PRKG1: variants seen among roughly 807,000 people sequenced by gnomAD.
PRKG1 encodes the protein cGMP-dependent protein kinase 1.
A neutral mutation model predicts 88.1 loss-of-function variants in PRKG1; 35 were observed. The ratio of observed to expected loss-of-function variants is 0.40; its 90% CI spans 0.30 to 0.53. The LOEUF is 0.53. Among genes scored for constraint, PRKG1 ranks in the 20% least tolerant of loss-of-function variants. The probability of loss-of-function intolerance (pLI) is 0.59; values close to 1 mark genes in which losing one functional copy is unlikely to be tolerated. For missense variants in PRKG1, 540 were observed against 839.8 expected, an observed-to-expected ratio of 0.64 and a Z score of 4.41; for synonymous variants, 303 against 292.5, an observed-to-expected ratio of 1.04 and a Z score of -0.37.
chr10:51,445,749 C>T (rs906121090), intron 2 of PRKG1, among the ~76,000 whole-genome samples: 2 of 151,730 alleles, frequency 1.3e-5, no homozygotes, highest in African/African-American at 2.4e-5. Flanking sequence ...CTTAAAATGT[C>T]TTGTGTGACT....
intron 9 of PRKG1, among the ~76,000 whole-genome samples, chr10:52,245,295 G>T (rs1331774335): frequency 6.6e-6 from 1 of 151,966 alleles, no homozygotes; most frequent in Non-Finnish European, 1.5e-5. Context: ...GGATTTCTGG[G>T]CATTTATCTG....
At chr10:51,517,355 T>C (rs1841616372) in intron 3 of PRKG1, among the ~76,000 whole-genome samples, 1 of 152,222 alleles carries the variant, frequency 6.6e-6, no homozygotes, top group Non-Finnish European at 1.5e-5. Context: ...CTCTTTCTTC[T>C]GGGTATGGGA....
chr10:52,102,979 C>T lies in PRKG1; in HGVS notation c.936-30861C>T, dbSNP rs1018187016. ...AGACCACACAGCAGGAGGTGAGCAGCAGGTGAGTGAGCATTACTGCTTGAG... is the reference window on the plus strand; with the variant it reads ...AGACCACACAGCAGGAGGTGAGCAGTAGGTGAGTGAGCATTACTGCTTGAG... On this transcript the variant is annotated intron_variant, in intron 7 of 17. Coordinates refer to ENST00000373980, the MANE Select transcript of PRKG1 (RefSeq NM_006258.4). 2.0e-5 allele frequency among the ~76,000 whole-genome samples: 3 copies of T among 152,122 alleles called. No homozygotes were observed. In the East Asian group the frequency reaches 5.8e-4, roughly 29 times the overall value.
At chr10:51,492,906 T>C (rs1455146385) in intron 3 of PRKG1, among the ~76,000 whole-genome samples, 2 of 152,194 alleles carry the variant, frequency 1.3e-5, no homozygotes, top group African/African-American at 4.8e-5. Flanking sequence ...AAAAAGATTA[T>C]TAGATCTTTT....
intron 2 of PRKG1, among the ~76,000 whole-genome samples, chr10:51,267,805 A>G (rs1408871734): frequency 3.3e-5 from 5 of 152,202 alleles, no homozygotes; most frequent in Admixed American, 2.0e-4. Context: ...ATTGGGACCT[A>G]ATTAAAATAA....
intron 4 of PRKG1, among the ~76,000 whole-genome samples, chr10:51,845,837 A>G (rs1398956937): frequency 2.0e-5 from 3 of 152,118 alleles, no homozygotes; most frequent in Non-Finnish European, 2.9e-5. Context: ...TTTATAGTTG[A>G]TGAACTATTC....
chr10:51,666,345 T>C (rs1229093873), intron 3 of PRKG1, among the ~76,000 whole-genome samples: 2 of 152,154 alleles, frequency 1.3e-5, no homozygotes, highest in African/African-American at 4.8e-5. Flanking sequence ...TGAAAGAATA[T>C]AAGCAAACTT....
At chr10:51,061,370 G>T (rs2132783620) in intron 1 of PRKG1, among the ~76,000 whole-genome samples, 1 of 152,164 alleles carries the variant, frequency 6.6e-6, no homozygotes, top group South Asian at 2.1e-4. Flanking sequence ...CTCCTACCAG[G>T]TCCCTCTCAC....
In PRKG1 at chr10:52,074,417, C is replaced by T. The variant is rs559304235; in HGVS notation, c.935+11786C>T. Among the ~76,000 whole-genome samples, 14 of 152,162 alleles carry T rather than the reference C, an allele frequency of 9.2e-5. 1 individual carries two copies. The South Asian group carries it at 2.3e-3, about 25-fold the overall frequency. On this transcript the variant is annotated intron_variant, in intron 7 of 17. Coordinates refer to ENST00000373980, the MANE Select transcript of PRKG1 (RefSeq NM_006258.4). ...CTGTCTAAAATGTAAGGTCATTTTC[C>T]GTGGTGGAAATTGAGCTACTTATAA...
intron 4 of PRKG1, among the ~76,000 whole-genome samples, chr10:51,824,332 T>G (rs994263303): frequency 2.0e-5 from 3 of 152,220 alleles, no homozygotes; most frequent in African/African-American, 7.2e-5. Context: ...GCCTTAGATA[T>G]AATGTTCAAC....
At chr10:51,497,691 T>A (rs1589018510) in intron 3 of PRKG1, among the ~76,000 whole-genome samples, 1 of 152,274 alleles carries the variant, frequency 6.6e-6, no homozygotes, top group South Asian at 2.1e-4. Context: ...GTAGGAGTCT[T>A]GTAAAGTATC....
At chr10:51,982,441 G>T (rs905508297) in intron 5 of PRKG1, among the ~76,000 whole-genome samples, 4 of 152,168 alleles carry the variant, frequency 2.6e-5, no homozygotes, top group Admixed American at 1.3e-4. Context: ...ATCTTTATGG[G>T]CTGATGTTTC....
At chr10:51,142,866 A>G (rs1286905892) in intron 1 of PRKG1, among the ~76,000 whole-genome samples, 1 of 152,150 alleles carries the variant, frequency 6.6e-6, no homozygotes, top group Non-Finnish European at 1.5e-5. Flanking sequence ...ATTGACAGAT[A>G]ACATCATATG....
intron 12 of PRKG1, among the ~76,000 whole-genome samples, chr10:52,275,788 AT>A (rs1841859188): frequency 6.6e-6 from 1 of 152,242 alleles, no homozygotes; most frequent in African/African-American, 2.4e-5. Context: ...TTTTCACAAT[AT>A]TGATTCTACC....
At chr10:51,327,578 A>G (rs1841625650) in intron 2 of PRKG1, among the ~76,000 whole-genome samples, 1 of 152,208 alleles carries the variant, frequency 6.6e-6, no homozygotes, top group African/African-American at 2.4e-5. Flanking sequence ...ATGCATTGTT[A>G]GGTAATTTTA....
At chr10:51,188,197 T>C (rs983881740) in intron 2 of PRKG1, among the ~76,000 whole-genome samples, 1 of 152,014 alleles carries the variant, frequency 6.6e-6, no homozygotes, top group African/African-American at 2.4e-5. Flanking sequence ...CTCAGTCTTG[T>C]CTTTATAAAG....
intron 4 of PRKG1, among the ~76,000 whole-genome samples, chr10:51,870,677 T>C (rs1841133924): frequency 6.6e-6 from 1 of 152,158 alleles, no homozygotes; most frequent in African/African-American, 2.4e-5. Context: ...TAATGAAGAA[T>C]CGCATAGGTC....
intron 8 of PRKG1, among the ~76,000 whole-genome samples, chr10:52,158,364 A>T (rs1838182973): frequency 6.6e-6 from 1 of 151,704 alleles, no homozygotes; most frequent in Non-Finnish European, 1.5e-5. Flanking sequence ...AACTATTTAG[A>T]AAAGCATCTG....
At chr10:51,266,465 T>C (rs1184403378) in intron 2 of PRKG1, among the ~76,000 whole-genome samples, 1 of 152,226 alleles carries the variant, frequency 6.6e-6, no homozygotes, top group African/African-American at 2.4e-5. Context: ...GTATAAGTGT[T>C]AGAGAATCAG....
Sources: gnomAD v4.1 joint callset for allele counts (sites outside exome capture counted in the v4.1 genomes callset) on GRCh38, gnomAD v4.1.1 for gene constraint, MANE v1.5 for transcripts, NCBI Gene and HGNC (gene_info 2026-07-23, HGNC 2026-07-21) for gene names.